The following TAFA1 variants were observed in gnomAD, a reference collection of about 807,000 sequenced individuals.
The protein encoded by TAFA1 is TAFA chemokine like family member 1.
Under a neutral mutation model 18.5 loss-of-function variants are expected in TAFA1, and 4 were observed. That is an observed-to-expected ratio of 0.22 (90% CI 0.11 to 0.49). The LOEUF (loss-of-function observed/expected upper bound fraction) is 0.49. TAFA1 is among the 20% of genes least tolerant of loss of function. The pLI is 0.98. For missense variants in TAFA1, 147 were observed against 169.0 expected, an observed-to-expected ratio of 0.87 and a Z score of 0.72; for synonymous variants, 56 against 55.2, an observed-to-expected ratio of 1.01 and a Z score of -0.06.
chr3:68,476,928 G>A (rs1314753316), intron 3 of TAFA1, among the ~76,000 whole-genome samples: 1 of 151,856 alleles, frequency 6.6e-6, no homozygotes, highest in East Asian at 1.9e-4. Flanking sequence ...ATATTAAAAG[G>A]CTGCTGGAAT....
At chr3:68,278,132 A>C (rs2067829665) in intron 2 of TAFA1, among the ~76,000 whole-genome samples, 1 of 152,250 alleles carries the variant, frequency 6.6e-6, no homozygotes, top group East Asian at 1.9e-4. Flanking sequence ...ATTGCCTTTC[A>C]AAAAGGCTGT....
At chr3:68,160,102 C>G (rs2065908381) in intron 2 of TAFA1, among the ~76,000 whole-genome samples, 2 of 152,208 alleles carry the variant, frequency 1.3e-5, no homozygotes, top group Admixed American at 1.3e-4. Flanking sequence ...TCTTGGGCTT[C>G]TGCAAGGTCA....
At chr3:68,456,142 A>T (rs2071660666) in intron 3 of TAFA1, among the ~76,000 whole-genome samples, 1 of 152,180 alleles carries the variant, frequency 6.6e-6, no homozygotes, top group African/African-American at 2.4e-5. Flanking sequence ...GCCAATTCAG[A>T]TAAAAAGGAT....
At chr3:68,379,019 T>C (rs75475722) in intron 2 of TAFA1, among the ~76,000 whole-genome samples, 1,634 of 152,304 alleles carry the variant, frequency 0.011, 29 homozygotes, top group African/African-American at 0.038. Flanking sequence ...AACAGAATAA[T>C]ACACCCAGTA....
At chr3:68,166,481 C>T (rs1449087186) in intron 2 of TAFA1, among the ~76,000 whole-genome samples, 1 of 152,110 alleles carries the variant, frequency 6.6e-6, no homozygotes, top group Non-Finnish European at 1.5e-5. Context: ...GTAACTAAAT[C>T]ATTTGCCATT....
intron 3 of TAFA1, among the ~76,000 whole-genome samples, chr3:68,454,714 A>T (rs1185857862): frequency 6.6e-6 from 1 of 152,100 alleles, no homozygotes; most frequent in Non-Finnish European, 1.5e-5. Context: ...ACCCACACTT[A>T]TTCTTCTATT....
intron 2 of TAFA1, among the ~76,000 whole-genome samples, chr3:68,030,122 C>T (rs1284829516): frequency 6.6e-6 from 1 of 152,010 alleles, no homozygotes; most frequent in Non-Finnish European, 1.5e-5. Context: ...CTTAAAATAT[C>T]ATGAGAATAA....
At chr3:68,361,566 A>G (rs988052032) in intron 2 of TAFA1, among the ~76,000 whole-genome samples, 3 of 152,038 alleles carry the variant, frequency 2.0e-5, no homozygotes, top group African/African-American at 7.2e-5. Flanking sequence ...TTTGATCATT[A>G]CACATTATAG....
At chr3:68,226,916 G>A (rs2066807884) in intron 2 of TAFA1, among the ~76,000 whole-genome samples, 1 of 152,180 alleles carries the variant, frequency 6.6e-6, no homozygotes, top group South Asian at 2.1e-4. Flanking sequence ...AACCAGCAAT[G>A]AGCGCCACCA....
intron 2 of TAFA1, among the ~76,000 whole-genome samples, chr3:68,278,260 A>G (rs995700861): frequency 1.3e-5 from 2 of 152,140 alleles, no homozygotes; most frequent in South Asian, 2.1e-4. Flanking sequence ...TCAGGCAATA[A>G]TATGTCTCCA....
chr3:68,132,078 T>G (rs1389508405), intron 2 of TAFA1, among the ~76,000 whole-genome samples: 1 of 152,168 alleles, frequency 6.6e-6, no homozygotes, highest in Non-Finnish European at 1.5e-5. Context: ...CCTCTCTCTG[T>G]GTCCATGTGT....
intron 2 of TAFA1, among the ~76,000 whole-genome samples, chr3:68,408,017 A>T (rs910159700): frequency 2.6e-5 from 4 of 152,164 alleles, no homozygotes; most frequent in Non-Finnish European, 5.9e-5. Context: ...TTTTTAACAC[A>T]GTATTAAATA....
chr3:68,174,897 A>G (rs995512871), intron 2 of TAFA1, among the ~76,000 whole-genome samples: 9 of 152,188 alleles, frequency 5.9e-5, no homozygotes. Context: ...ACAGGCCCAG[A>G]GGCCTAGGAG....
At chr3:68,264,635 G>C (rs1270461634) in intron 2 of TAFA1, among the ~76,000 whole-genome samples, 1 of 152,004 alleles carries the variant, frequency 6.6e-6, no homozygotes, top group African/African-American at 2.4e-5. Flanking sequence ...AAGTAAACTA[G>C]CATTACCTAT....
chr3:68,053,552 C>G (rs915241639), intron 2 of TAFA1, among the ~76,000 whole-genome samples: 4 of 151,960 alleles, frequency 2.6e-5, no homozygotes, highest in Admixed American at 6.6e-5. Context: ...TTTATGCATG[C>G]TATGGAATCT....
intron 2 of TAFA1, among the ~76,000 whole-genome samples, chr3:68,065,869 TAGAG>T (rs2064670664): frequency 6.6e-6 from 1 of 151,724 alleles, no homozygotes; most frequent in African/African-American, 2.4e-5. Flanking sequence ...GACAGGTAGA[TAGAG>T]AAATAAATTG....
chr3:68,532,896 A>AATC (rs1474584715), intron 3 of TAFA1, among the ~76,000 whole-genome samples: 1 of 149,974 alleles, frequency 6.7e-6, no homozygotes, highest in Non-Finnish European at 1.5e-5. Context: ...TAATAATAAT[A>AATC]ATAATAATAA....
chr3:68,261,363 C>T (rs1246827917), intron 2 of TAFA1, among the ~76,000 whole-genome samples: 1 of 152,134 alleles, frequency 6.6e-6, no homozygotes, highest in Admixed American at 6.5e-5. Flanking sequence ...GTGGCGATTC[C>T]TCAGGGATCT....
intron 2 of TAFA1, among the ~76,000 whole-genome samples, chr3:68,268,591 A>ATTTTCAGCTTTTATTTT: frequency 6.6e-6 from 1 of 152,170 alleles, no homozygotes; most frequent in African/African-American, 2.4e-5. Context: ...TAGCAAAGAA[A>ATTTTCAGCTTTTATTTT]AGAATGGATG....
Sources: gnomAD v4.1 joint callset for allele counts (sites outside exome capture counted in the v4.1 genomes callset) on GRCh38, gnomAD v4.1.1 for gene constraint, MANE v1.5 for transcripts, NCBI Gene and HGNC (gene_info 2026-07-23, HGNC 2026-07-21) for gene names.